The following CRYZ variants were observed in gnomAD, a reference collection of about 807,000 sequenced individuals.
CRYZ encodes the protein zeta-crystallin.
CRYZ carries 35 observed loss-of-function variants against 34.1 expected under a neutral mutation model. That is an observed-to-expected ratio of 1.03 (90% CI 0.78 to 1.36). The LOEUF (loss-of-function observed/expected upper bound fraction) is 1.36. Among genes scored for constraint, CRYZ ranks in the 40% most tolerant of loss-of-function variants. The pLI, the probability that CRYZ is intolerant of heterozygous loss-of-function variation, is 0.00. For synonymous variants in CRYZ, 137 were observed against 136.5 expected (o/e 1.00, Z -0.03); for missense variants, 403 against 391.8 (o/e 1.03, Z -0.24).
chr1:74,721,626 A>G (rs1647165935), intron 3 of CRYZ, among the ~76,000 whole-genome samples: 1 of 152,244 alleles, frequency 6.6e-6, no homozygotes, highest in Non-Finnish European at 1.5e-5. Flanking sequence ...GATAGCCTGA[A>G]CTAAACTACT....
At chr1:74,715,611 C>A (rs1474257079) in intron 4 of CRYZ, among the ~76,000 whole-genome samples, 1 of 152,144 alleles carries the variant, frequency 6.6e-6, no homozygotes, top group Non-Finnish European at 1.5e-5. Flanking sequence ...GCTGAAGGGA[C>A]TGAGGACAAT....
intron 1 of CRYZ, among the ~76,000 whole-genome samples, chr1:74,729,280 C>T (rs1000283234): frequency 1.2e-4 from 18 of 151,694 alleles, no homozygotes; most frequent in African/African-American, 4.8e-5. Flanking sequence ...CATCTGAAAT[C>T]TGGGATCCCA....
At chr1:74,711,034 C>T (rs1391540240) in intron 5 of CRYZ, among the ~76,000 whole-genome samples, 3 of 152,048 alleles carry the variant, frequency 2.0e-5, no homozygotes, top group East Asian at 3.9e-4. Context: ...CGGTCAGCCA[C>T]GTGGAGGATG....
intron 1 of CRYZ, among the ~76,000 whole-genome samples, chr1:74,731,993 G>C (rs1182778598): frequency 1.3e-5 from 2 of 152,168 alleles, no homozygotes; most frequent in Admixed American, 1.3e-4. Context: ...CAAAGCTGGA[G>C]GAAGCTCCGG....
intron 1 of CRYZ, among the ~76,000 whole-genome samples, chr1:74,732,616 TGCAGC>T: frequency 1.0e-4 from 1 of 9,912 alleles, no homozygotes; most frequent in East Asian, 1.5e-3. Context: ...GGGGGGGGGG[TGCAGC>T]GTGGGGCTGG....
intron 6 of CRYZ, chr1:74,708,834 C>G (rs1646964853): frequency 6.6e-6 from 1 of 151,882 alleles, no homozygotes; most frequent in Non-Finnish European, 1.5e-5. Flanking sequence ...GATGAGAGAC[C>G]AAGCAAAAAC....
chr1:74,710,285 T>C (rs1330887199), intron 5 of CRYZ, 38 bp from the exon 6 acceptor site: 2 of 1,602,140 alleles, frequency 1.2e-6, no homozygotes, highest in South Asian at 1.1e-5. Flanking sequence ...ATATATTCTC[T>C]ACACTCCTGT....
In CRYZ at chr1:74,724,748, C is replaced by G. The variant is rs756778305; in HGVS notation, c.74G>C (p.Arg25Pro). 1 of 1,613,162 alleles carries G rather than the reference C, an allele frequency of 6.2e-7. No individual in the cohort carries two copies. Among genetic ancestry groups the G allele is most frequent in the Non-Finnish European group, 8.5e-7 (1 of 1,179,516 alleles). The change falls in exon 2 of 9, where the codon CGA (arginine) becomes CCA (proline). Residue 25 changes from arginine (R) to proline (P), a missense_variant. By Grantham distance (103) the Arg-to-Pro change is moderately radical (BLOSUM62 -2). Coordinates refer to ENST00000340866, the MANE Select transcript of CRYZ (RefSeq NM_001889.4). Reference protein sequence around the residue: ...EFGGPEVLKLRSDIAVPIPKD... With the variant: ...EFGGPEVLKLPSDIAVPIPKD... ...TGGAATCGGTACTGCAATATCTGAT[C>G]GCAATTTCAGGACTTCTGGCCCACC...
intron 8 of CRYZ, 119 bp from the exon 9 acceptor site, chr1:74,706,576 G>C: frequency 1.0e-6 from 1 of 956,242 alleles, no homozygotes; most frequent in Non-Finnish European, 1.5e-6. Context: ...ACAAATGTGT[G>C]ACTTTTGTCA....
At chr1:74,716,830 A>T (rs1382482162) in intron 4 of CRYZ, among the ~76,000 whole-genome samples, 5 of 151,852 alleles carry the variant, frequency 3.3e-5, no homozygotes, top group Non-Finnish European at 7.4e-5. Context: ...CTGTGCTCTC[A>T]TTTCTTTTGC....
chr1:74,712,669 AAC>A (rs1386394292), intron 5 of CRYZ, among the ~76,000 whole-genome samples: 1 of 152,182 alleles, frequency 6.6e-6, no homozygotes, highest in Admixed American at 6.5e-5. Flanking sequence ...AATTAGATAA[AAC>A]ACAACCCACT....
chr1:74,725,951 C>T (rs1330837541), intron 1 of CRYZ, among the ~76,000 whole-genome samples: 1 of 152,240 alleles, frequency 6.6e-6, no homozygotes, highest in African/African-American at 2.4e-5. Flanking sequence ...CCATGTCTCA[C>T]ATCCAGGTCA....
chr1:74,721,898 G>T (rs1440303646), intron 3 of CRYZ, among the ~76,000 whole-genome samples: 1 of 152,194 alleles, frequency 6.6e-6, no homozygotes. Flanking sequence ...GACACGGGAG[G>T]CTATTAAGCA....
At chr1:74,706,513 A>G (rs982660405) in intron 8 of CRYZ, 56 bp from the exon 9 acceptor site, 1 of 1,493,948 alleles carries the variant, frequency 6.7e-7, no homozygotes, top group African/African-American at 1.4e-5. Context: ...TTTAATTTTC[A>G]GAAGCATTAA....
Position 74,707,192 on chromosome 1 carries a change from C to T in CRYZ, c.643G>A (p.Glu215Lys). 1.3e-6 allele frequency: 2 copies of T among 1,520,702 alleles called. No individual in the cohort carries two copies. Among genetic ancestry groups the T allele is most frequent in the Non-Finnish European group, 9.0e-7 (1 of 1,109,560 alleles). The allele number at this position is 1,520,702 out of a possible 1,614,324, so 94.2% of individuals were successfully genotyped here. A position where few individuals can be genotyped will look rare whatever the true frequency, so the allele number is the denominator to read the frequency against. ...TCAATAATTATATCAATTCCTTTCT[C>T]ACCAACATACTTCTATATAATAAAA... is the stretch of plus-strand genomic sequence containing the variant. ...YIDKIKKYVG[E>K]KGIDIIIEML... is the part of the protein sequence containing the mutation. Residue 215 changes from glutamate (E) to lysine (K), a missense_variant, in exon 7 of 9, where the codon GAG (glutamate) becomes AAG (lysine). Coordinates refer to ENST00000340866, the MANE Select transcript of CRYZ (RefSeq NM_001889.4).
At chr1:74,716,820 CT>C (rs769099216) in intron 4 of CRYZ, among the ~76,000 whole-genome samples, 1 of 152,130 alleles carries the variant, frequency 6.6e-6, no homozygotes, top group Non-Finnish European at 1.5e-5. Context: ...CCCGCAGCCC[CT>C]GTGCTCTCAT....
At chr1:74,730,265 G>A (rs1253647427) in intron 1 of CRYZ, 2 of 152,116 alleles carry the variant, frequency 1.3e-5, no homozygotes, top group Non-Finnish European at 1.5e-5. Context: ...TGAAAGTGAT[G>A]GGGCATGGCC....
intron 3 of CRYZ, 122 bp from the exon 4 acceptor site, chr1:74,719,494 T>A: frequency 1.1e-6 from 1 of 889,650 alleles, no homozygotes; most frequent in Non-Finnish European, 1.6e-6. Context: ...GGGTCTCATA[T>A]AAATAATTTT....
chr1:74,716,308 C>T (rs1647074701), intron 4 of CRYZ, among the ~76,000 whole-genome samples: 1 of 151,946 alleles, frequency 6.6e-6, no homozygotes, highest in African/African-American at 2.4e-5. Context: ...AGATGATTGA[C>T]TGATAGATAG....
Sources: gnomAD v4.1 joint callset for allele counts (sites outside exome capture counted in the v4.1 genomes callset) on GRCh38, gnomAD v4.1.1 for gene constraint, MANE v1.5 for transcripts, NCBI Gene and HGNC (gene_info 2026-07-23, HGNC 2026-07-21) for gene names.